PCDHA11: variants seen among roughly 807,000 people sequenced by gnomAD.
PCDHA11 encodes the protein protocadherin alpha-11.
In PCDHA11, 61 loss-of-function variants were observed where a neutral mutation model predicts 70.3. The ratio of observed to expected loss-of-function variants is 0.87; its 90% CI spans 0.71 to 1.07. The LOEUF (loss-of-function observed/expected upper bound fraction) is 1.07. Ranked by LOEUF, PCDHA11 falls within the 50% of genes least tolerant of loss-of-function variation. The pLI is 0.00. For missense variants in PCDHA11, 1,324 were observed against 1,237.5 expected (o/e 1.07, Z -1.05); for synonymous variants, 633 against 555.1 (o/e 1.14, Z -1.97).
chr5:140,968,719 G>C lies in PCDHA11; in HGVS notation c.2392-10230G>C. The C allele has an allele frequency of 1.9e-6, 3 of 1,614,148 alleles. No homozygotes were observed. Among genetic ancestry groups the C allele is most frequent in the African/African-American group, 1.3e-5 (1 of 75,038 alleles). ...GGACTACCAGGAAGATGGGAGATGA[G>C]AGTGGTAGCACTTTCAACCTGACCG... On this transcript the variant is annotated intron_variant, in intron 1 of 3. Transcript: ENST00000398640.
chr5:140,926,805 G>T (rs1383202456), intron 1 of PCDHA11: 3 of 1,452,468 alleles, frequency 2.1e-6, no homozygotes, highest in East Asian at 5.0e-5. Flanking sequence ...GCTCTTCCCC[G>T]CGGCTCGTGC....
rs80062832 is a variant in PCDHA11 at position 140,889,250 on chromosome 5, C to T, written c.2391+17756C>T. ...AAAACTTCCAGAAAATTTTCTGTTT[C>T]CTGTAAAAGTTTGTATAATCTTTGA... On this transcript the variant is annotated intron_variant, in intron 1 of 3. Transcript: ENST00000398640. Among the ~76,000 whole-genome samples, 79 of 151,798 alleles carry T rather than the reference C, an allele frequency of 5.2e-4. No homozygotes were observed. In the East Asian group the frequency reaches 0.014, roughly 27 times the overall value.
intron 1 of PCDHA11, chr5:140,877,395 C>T (rs375548936): frequency 4.3e-6 from 7 of 1,613,958 alleles, no homozygotes; most frequent in Middle Eastern, 1.6e-4. Flanking sequence ...ATGAGGCGGA[C>T]GCTCCGCGCC....
intron 1 of PCDHA11, among the ~76,000 whole-genome samples, chr5:140,873,969 A>T (rs1438036244): frequency 6.6e-6 from 1 of 152,224 alleles, no homozygotes; most frequent in Non-Finnish European, 1.5e-5. Context: ...CCTATTTTTT[A>T]AAATTAAAGT....
chr5:140,934,580 T>C lies in PCDHA11; in HGVS notation c.2392-44369T>C, dbSNP rs531235009. 3.9e-5 allele frequency among the ~76,000 whole-genome samples: 6 copies of C among 152,296 alleles called. No individual in the cohort carries two copies. In the East Asian group the frequency reaches 1.2e-3, roughly 29 times the overall value. On this transcript the variant is annotated intron_variant, in intron 1 of 3. Transcript: ENST00000398640. ...CTTTTTTTTAATTAATTGTAACATT[T>C]CTGTAATGGGTCTTCAACTATTTGA...
intron 3 of PCDHA11, among the ~76,000 whole-genome samples, chr5:141,002,953 T>G (rs2098104496): frequency 1.3e-5 from 2 of 152,230 alleles, no homozygotes; most frequent in Non-Finnish European, 2.9e-5. Context: ...CATGCCCCTC[T>G]GAGAGCTTTC....
In PCDHA11 at chr5:140,919,966, A is replaced by G. The variant is rs1472155046; in HGVS notation, c.2391+48472A>G. Among the ~76,000 whole-genome samples, 3 of 139,590 alleles carry G rather than the reference A, an allele frequency of 2.1e-5. No homozygotes were observed. The East Asian group carries it at 7.1e-4, about 33-fold the overall frequency. The allele number at this position is 139,590 out of a possible 152,430, so 91.6% of individuals were successfully genotyped here. On this transcript the variant is annotated intron_variant, in intron 1 of 3. Transcript: ENST00000398640. ...GTGAAAAGTTTGTTTTGTTTTTTAA[A>G]TAAGAGATAGAAGATGGAAAACAGA...
At chr5:140,929,249 G>C (rs1212088369) in intron 1 of PCDHA11, 14 of 1,613,366 alleles carry the variant, frequency 8.7e-6, no homozygotes, top group Non-Finnish European at 1.2e-5. Flanking sequence ...CTTGCCACTG[G>C]GGTAGGACTG....
chr5:140,931,188 G>A (rs782167226), intron 1 of PCDHA11, among the ~76,000 whole-genome samples: 1 of 152,126 alleles, frequency 6.6e-6, no homozygotes, highest in South Asian at 2.1e-4. Flanking sequence ...GGAAATTGGT[G>A]CACTACAATG....
intron 3 of PCDHA11, among the ~76,000 whole-genome samples, chr5:141,003,915 C>T (rs2153979429): frequency 6.6e-6 from 1 of 152,298 alleles, no homozygotes; most frequent in African/African-American, 2.4e-5. Context: ...GTCTTGACTG[C>T]ATCCTCAGTC....
intron 1 of PCDHA11, chr5:140,929,179 G>C: frequency 6.2e-7 from 1 of 1,614,104 alleles, no homozygotes. Context: ...TCTGGGACTT[G>C]GTTCTGATAA....
At chr5:140,915,096 C>T (rs530875134) in intron 1 of PCDHA11, among the ~76,000 whole-genome samples, 1 of 152,060 alleles carries the variant, frequency 6.6e-6, no homozygotes, top group Admixed American at 6.5e-5. Context: ...TGGGCACGCA[C>T]CACCACAACA....
intron 1 of PCDHA11, among the ~76,000 whole-genome samples, chr5:140,937,894 A>G (rs1554211868): frequency 6.6e-6 from 1 of 150,462 alleles, no homozygotes; most frequent in Non-Finnish European, 1.5e-5. Context: ...CCTGGGCGAC[A>G]GAGTGAGACT....
chr5:140,883,870 G>T, intron 1 of PCDHA11: 1 of 1,613,302 alleles, frequency 6.2e-7, no homozygotes, highest in South Asian at 1.1e-5. Context: ...TGCAGTTCCA[G>T]GTGAGCGCGC....
At chr5:140,897,130 C>A (rs913808184) in intron 1 of PCDHA11, among the ~76,000 whole-genome samples, 11 of 152,118 alleles carry the variant, frequency 7.2e-5, no homozygotes, top group Non-Finnish European at 5.9e-5. Flanking sequence ...CCCCACTAAA[C>A]TTTCTAGCCT....
intron 1 of PCDHA11, chr5:140,875,190 C>T (rs2055337617): frequency 4.0e-6 from 2 of 496,884 alleles, no homozygotes; most frequent in Admixed American, 4.0e-5. Flanking sequence ...TTAAGAGTGA[C>T]CCAGGAAGTG....
intron 1 of PCDHA11, among the ~76,000 whole-genome samples, chr5:140,900,046 G>A (rs896570608): frequency 2.4e-4 from 36 of 152,294 alleles, no homozygotes; most frequent in Admixed American, 1.6e-3. Context: ...CTGGGCTCAA[G>A]TGATCCTTTA....
rs2098420479 is a variant in PCDHA11, at chr5:141,011,408, T to TAC, written c.*1472_*1473insCA. 6.5e-6 allele frequency: 1 copy of TAC among 153,814 alleles called. No individual in the cohort carries two copies. The highest frequency in any genetic ancestry group is 2.4e-5 in the African/African-American group (1 of 41,476). 9.5% of individuals were successfully genotyped at this position (153,814 alleles called of 1,614,324 possible). ...GAAATATACTTACTCTGTGCTTGTG[T>TAC]ATGTGAATGTTAATGCAACTATTAC... On this transcript the variant is annotated 3_prime_UTR_variant, in exon 4 of 4. Coordinates refer to ENST00000398640, the MANE Select transcript of PCDHA11 (RefSeq NM_018902.5).
At position 140,896,169 on chromosome 5, in the gene PCDHA11, GT is replaced by G. The variant is rs1473218621; in HGVS notation, c.2391+24676del. Among the ~76,000 whole-genome samples, 40 of 152,274 alleles carry G rather than the reference GT, an allele frequency of 2.6e-4. 1 individual carries two copies. The East Asian group carries it at 5.2e-3, about 20-fold the overall frequency. ...TGATGGGCATTTAGGATTATTCTCT[GT>G]CTTTGCTATTGTGAATAGTGCCATG... is the stretch of plus-strand genomic sequence containing the variant. On this transcript the variant is annotated intron_variant, in intron 1 of 3. Transcript: ENST00000398640.
Sources: gnomAD v4.1 joint callset for allele counts (sites outside exome capture counted in the v4.1 genomes callset) on GRCh38, gnomAD v4.1.1 for gene constraint, MANE v1.5 for transcripts, NCBI Gene and HGNC (gene_info 2026-07-23, HGNC 2026-07-21) for gene names.